The following PHF3 variants were observed in gnomAD, a reference collection of about 807,000 sequenced individuals.
PHF3 encodes the protein PHD finger protein 3.
PHF3 carries 41 observed loss-of-function variants against 178.4 expected under a neutral mutation model. That is an observed-to-expected ratio of 0.23 (90% CI 0.18 to 0.30). The LOEUF is 0.30. Among genes scored for constraint, PHF3 ranks in the 10% least tolerant of loss-of-function variants. PHF3 has a pLI of 1.00. For missense variants in PHF3, 2,346 were observed against 2,398.1 expected, an observed-to-expected ratio of 0.98 and a Z score of 0.45; for synonymous variants, 842 against 800.5, an observed-to-expected ratio of 1.05 and a Z score of -0.88.
At chr6:63,688,194 A>T (rs1315142133) in intron 4 of PHF3, among the ~76,000 whole-genome samples, 1 of 125,474 alleles carries the variant, frequency 8.0e-6, no homozygotes, top group East Asian at 2.4e-4. Context: ...TCAAAAAAAA[A>T]AAAAAAGCCT....
chr6:63,694,667 A>G lies in PHF3; in HGVS notation c.2583A>G (p.Gln861=), dbSNP rs1434636687. The change falls in exon 6 of 16, where the codon CAA becomes CAG. Residue 861 remains glutamine (Q), a synonymous_variant. Transcript: ENST00000262043. ...WQLAPLRKMG[Q]PVLPRRSSEE... is the part of the protein sequence containing the mutation. ...TAGCTCCTCTTCGTAAGATGGGACA[A>G]CCAGTTTTACCTCGGAGATCCTCAG... 1.2e-6 allele frequency: 2 copies of G among 1,603,452 alleles called. No homozygotes were observed. Among genetic ancestry groups the G allele is most frequent in the Non-Finnish European group, 1.7e-6 (2 of 1,174,194 alleles).
intron 5 of PHF3, among the ~76,000 whole-genome samples, chr6:63,692,331 T>A (rs1299423595): frequency 6.6e-6 from 1 of 150,552 alleles, no homozygotes; most frequent in Non-Finnish European, 1.5e-5. Context: ...GTGGATCTTG[T>A]GGCCATTAAG....
At chr6:63,673,377 T>C (rs999044422) in intron 2 of PHF3, among the ~76,000 whole-genome samples, 13 of 152,140 alleles carry the variant, frequency 8.5e-5, no homozygotes, top group African/African-American at 2.7e-4. Flanking sequence ...AGGCAGCCTG[T>C]GCTGCCTTAT....
At chr6:63,710,997 A>G (rs1473941435) in intron 14 of PHF3, among the ~76,000 whole-genome samples, 170 bp from the exon 15 acceptor site, 2 of 152,168 alleles carry the variant, frequency 1.3e-5, no homozygotes, top group Non-Finnish European at 2.9e-5. Context: ...ATCTTTTCTT[A>G]AGAGTTACTT....
chr6:63,639,454 A>G (rs550193904), intron 1 of PHF3, among the ~76,000 whole-genome samples: 2 of 152,262 alleles, frequency 1.3e-5, no homozygotes, highest in East Asian at 1.9e-4. Context: ...TTAAATGTGT[A>G]GAGGGTGGCT....
In PHF3 at chr6:63,712,075, T is replaced by C; in HGVS notation, c.4487T>C (p.Ile1496Thr). 6.2e-7 allele frequency: 1 copy of C among 1,613,622 alleles called. No individual in the cohort carries two copies. Among genetic ancestry groups the C allele is most frequent in the Non-Finnish European group, 8.5e-7 (1 of 1,179,930 alleles). The change falls in exon 16 of 16, where the codon ATT becomes ACT. Residue 1496 changes from isoleucine (I) to threonine (T), a missense_variant. Ile to Thr is a moderately conservative substitution (Grantham distance 89, BLOSUM62 -1). Coordinates refer to ENST00000262043, the MANE Select transcript of PHF3 (RefSeq NM_001370348.2). ...ATGGAACAAAACACTGTTAAAGAAA[T>C]TCCATTTTTAAATGAGCAGACCAAC... is the stretch of plus-strand genomic sequence containing the variant. Reference protein sequence around the residue: ...SVMEQNTVKEIPFLNEQTNSK... With the variant: ...SVMEQNTVKETPFLNEQTNSK...
intron 2 of PHF3, among the ~76,000 whole-genome samples, chr6:63,663,400 A>G (rs531088248): frequency 1.3e-5 from 2 of 152,216 alleles, no homozygotes; most frequent in South Asian, 2.1e-4. Context: ...ATTCCTTGGC[A>G]GTGGCAGATC....
At position 63,719,001 on chromosome 6, in the gene PHF3, T is replaced by A. The variant is rs1768273965; in HGVS notation, c.*5293T>A. ...GTCACAGTTTTTCAGCAAAATTTGA[T>A]GGAGTTGTTTTAAGTGGTTTCCGTT... On this transcript the variant is annotated 3_prime_UTR_variant, in exon 16 of 16. Coordinates refer to ENST00000262043, the MANE Select transcript of PHF3 (RefSeq NM_001370348.2). Among the ~76,000 whole-genome samples, 1 of 152,034 alleles carries A rather than the reference T, an allele frequency of 6.6e-6. No homozygotes were observed. Among genetic ancestry groups the A allele is most frequent in the South Asian group, 2.1e-4 (1 of 4,834 alleles).
At chr6:63,665,749 A>C (rs1035495394) in intron 2 of PHF3, among the ~76,000 whole-genome samples, 2 of 152,108 alleles carry the variant, frequency 1.3e-5, no homozygotes, top group African/African-American at 4.8e-5. Flanking sequence ...TCAGCCTCCC[A>C]AAGTGCTAGG....
At chr6:63,653,165 T>G (rs1450128046) in intron 2 of PHF3, among the ~76,000 whole-genome samples, 5 of 151,446 alleles carry the variant, frequency 3.3e-5, no homozygotes, top group Non-Finnish European at 5.9e-5. Context: ...TTTTTTTTTT[T>G]TGTGGTTCTG....
rs1169649701 is a variant in PHF3, at chr6:63,716,693, G to C, written c.*2985G>C. Among the ~76,000 whole-genome samples the C allele has an allele frequency of 1.3e-5, 2 of 151,714 alleles. No individual in the cohort carries two copies. Among genetic ancestry groups the C allele is most frequent in the South Asian group, 2.1e-4 (1 of 4,810 alleles). On this transcript the variant is annotated 3_prime_UTR_variant, in exon 16 of 16. Coordinates refer to ENST00000262043, the MANE Select transcript of PHF3 (RefSeq NM_001370348.2). ...GAGATTCCTTTTTTTTTGCGCCTTG[G>C]TTTCTAGCTTCTAGAGGGCACCCAA...
intron 1 of PHF3, among the ~76,000 whole-genome samples, 162 bp from the exon 2 acceptor site, chr6:63,646,365 C>T (rs1764785216): frequency 6.6e-6 from 1 of 151,850 alleles, no homozygotes; most frequent in Non-Finnish European, 1.5e-5. Flanking sequence ...TCTACATTTC[C>T]AAATGTATAT....
intron 2 of PHF3, among the ~76,000 whole-genome samples, chr6:63,656,850 A>G (rs1204634151): frequency 6.6e-6 from 1 of 152,210 alleles, no homozygotes; most frequent in Admixed American, 6.5e-5. Context: ...GCCATCTAGC[A>G]TTTAATATTG....
intron 2 of PHF3, among the ~76,000 whole-genome samples, chr6:63,654,378 A>G (rs1410417067): frequency 2.6e-5 from 4 of 152,234 alleles, no homozygotes. Flanking sequence ...TTTTTATCAA[A>G]TGTTGAACAA....
intron 9 of PHF3, among the ~76,000 whole-genome samples, chr6:63,701,901 A>T (rs561394366): frequency 1.3e-5 from 2 of 152,286 alleles, no homozygotes; most frequent in South Asian, 4.1e-4. Context: ...GATGATTTGT[A>T]CTTAACAAAG....
chr6:63,711,501 C>A (rs2149611764), intron 15 of PHF3, 85 bp from the exon 16 acceptor site: 4 of 1,368,656 alleles, frequency 2.9e-6, no homozygotes, highest in East Asian at 2.3e-5. Flanking sequence ...CATTTAATAT[C>A]CTGTAATAAG....
At chr6:63,655,050 C>T (rs1052883633) in intron 2 of PHF3, among the ~76,000 whole-genome samples, 2 of 151,720 alleles carry the variant, frequency 1.3e-5, no homozygotes, top group Admixed American at 1.3e-4. Context: ...TGTGCTGCCA[C>T]GCCCTGCTAA....
intron 2 of PHF3, among the ~76,000 whole-genome samples, chr6:63,675,319 T>A (rs1249428002): frequency 6.6e-6 from 1 of 152,216 alleles, no homozygotes; most frequent in Admixed American, 6.5e-5. Context: ...ACATTTGTTA[T>A]GTGATGATTA....
At position 63,699,780 on chromosome 6, in the gene PHF3, G is replaced by A. The variant is rs149093844; in HGVS notation, c.2983-570G>A. Among the ~76,000 whole-genome samples the A allele has an allele frequency of 6.7e-3, 1,025 of 152,014 alleles. 3 individuals carry two copies. The highest frequency in any genetic ancestry group is 0.018 in the East Asian group (92 of 5,144). ...TAATTTTTGTATTTTTAGTAGAGAC[G>A]GGGTTTCACCATTTTGGCCAGGCTG... is the stretch of plus-strand genomic sequence containing the variant. On this transcript the variant is annotated intron_variant, in intron 8 of 15. Transcript: ENST00000262043.
Sources: allele counts gnomAD v4.1 joint callset (sites outside exome capture counted in the v4.1 genomes callset), GRCh38; gene constraint gnomAD v4.1.1; transcripts MANE v1.5; gene names NCBI Gene and HGNC (gene_info 2026-07-23, HGNC 2026-07-21).